The following ENPP6 variants were observed in gnomAD, a reference collection of about 807,000 sequenced individuals.
ENPP6 encodes the protein glycerophosphocholine cholinephosphodiesterase ENPP6.
Under a neutral mutation model 42.0 loss-of-function variants are expected in ENPP6, and 32 were observed. The ratio of observed to expected loss-of-function variants is 0.76; its 90% confidence interval spans 0.58 to 1.02. The LOEUF (loss-of-function observed/expected upper bound fraction) is 1.02, where lower values mean the gene tolerates loss of function less well. Among genes scored for constraint, ENPP6 ranks in the 50% least tolerant of loss-of-function variants. ENPP6 has a pLI of 0.00. For synonymous variants in ENPP6, 213 were observed against 216.0 expected (o/e 0.99, Z 0.12); for missense variants, 552 against 566.8 (o/e 0.97, Z 0.27).
At chr4:184,208,584 G>C (rs1251757728) in intron 1 of ENPP6, among the ~76,000 whole-genome samples, 5 of 151,742 alleles carry the variant, frequency 3.3e-5, no homozygotes, top group Non-Finnish European at 5.9e-5. Flanking sequence ...GGCTGGGAGG[G>C]TCCTACGCCC....
chr4:184,205,984 GA>G (rs1732989445), intron 1 of ENPP6, among the ~76,000 whole-genome samples: 1 of 152,166 alleles, frequency 6.6e-6, no homozygotes, highest in African/African-American at 2.4e-5. Context: ...GAATGACCAG[GA>G]CGCCCGGGAG....
chr4:184,148,401 A>T (rs1736962592), intron 2 of ENPP6, among the ~76,000 whole-genome samples: 1 of 152,212 alleles, frequency 6.6e-6, no homozygotes, highest in South Asian at 2.1e-4. Flanking sequence ...CATCCTGCAA[A>T]GGGAGATTGG....
chr4:184,124,051 C>A, intron 3 of ENPP6, 110 bp downstream of exon 3: 1 of 819,846 alleles, frequency 1.2e-6, no homozygotes, highest in Non-Finnish European at 1.9e-6. Flanking sequence ...CTCTCACCAA[C>A]TCTCTGACAT....
chr4:184,153,744 G>A lies in ENPP6; in HGVS notation c.242-11C>T. ...CTTCACAATGGCGGCCTATGTCAATGAGAACACAGCTGTCAGTTTACGGTT... is the reference window on the plus strand; with the variant it reads ...CTTCACAATGGCGGCCTATGTCAATAAGAACACAGCTGTCAGTTTACGGTT... On this transcript the variant is annotated splice_polypyrimidine_tract_variant and intron_variant, in intron 1 of 7. Transcript: ENST00000296741. 1.2e-6 allele frequency: 2 copies of A among 1,613,030 alleles called. No individual in the cohort carries two copies. Among genetic ancestry groups the A allele is most frequent in the Non-Finnish European group, 1.7e-6 (2 of 1,179,454 alleles).
At chr4:184,129,917 C>T (rs1736565845) in intron 2 of ENPP6, among the ~76,000 whole-genome samples, 2 of 104,458 alleles carry the variant, frequency 1.9e-5, no homozygotes, top group Admixed American at 1.7e-4. Flanking sequence ...ATTTCAATGA[C>T]TGGTTTGGCA....
chr4:184,159,267 A>G (rs2111082741), intron 1 of ENPP6, among the ~76,000 whole-genome samples: 1 of 152,364 alleles, frequency 6.6e-6, no homozygotes, highest in South Asian at 2.1e-4. Context: ...TATTCTTTCA[A>G]GTATTCAAGA....
At chr4:184,107,917 TA>T (rs34041004) in intron 6 of ENPP6, among the ~76,000 whole-genome samples, 31,828 of 115,874 alleles carry the variant, frequency 0.27, 3,981 homozygotes, top group African/African-American at 0.42. Context: ...TCAGTCTCAA[TA>T]AAAAAAAAAA....
intron 6 of ENPP6, among the ~76,000 whole-genome samples, chr4:184,107,104 C>T (rs895140693): frequency 3.9e-5 from 6 of 152,130 alleles, no homozygotes; most frequent in South Asian, 2.1e-4. Context: ...GGCAGGGTGA[C>T]CCACTGAGAA....
In ENPP6 at chr4:184,153,686, G is replaced by T; in HGVS notation, c.289C>A (p.Pro97Thr). ...HQMIGNYMWD[P>T]TTNKSFDIGV... is the part of the protein sequence containing the mutation. ...ATGTCAAAGGACTTGTTGGTGGTGGGGTCCCACATGTAGTTCCCGATCATC... is the reference window on the plus strand; with the variant it reads ...ATGTCAAAGGACTTGTTGGTGGTGGTGTCCCACATGTAGTTCCCGATCATC... The change falls in exon 2 of 8, where the codon CCC becomes ACC. Residue 97 changes from proline to threonine, a missense_variant. Physicochemically the swap from Pro to Thr is conservative, Grantham distance 38. Transcript: ENST00000296741. 2 of 1,614,100 alleles carry T rather than the reference G, an allele frequency of 1.2e-6. No homozygotes were observed. Among genetic ancestry groups the T allele is most frequent in the Non-Finnish European group, 1.7e-6 (2 of 1,180,008 alleles).
At chr4:184,133,356 A>C (rs991557962) in intron 2 of ENPP6, among the ~76,000 whole-genome samples, 9 of 152,172 alleles carry the variant, frequency 5.9e-5, no homozygotes, top group African/African-American at 2.2e-4. Flanking sequence ...CATTTTTATT[A>C]GATTTATTCT....
intron 1 of ENPP6, among the ~76,000 whole-genome samples, chr4:184,170,848 T>C (rs1162047024): frequency 1.3e-5 from 2 of 152,226 alleles, no homozygotes; most frequent in Middle Eastern, 3.2e-3. Context: ...TCAAGGTTCC[T>C]ATCAACCTGC....
rs867754869 is a variant in ENPP6, at chr4:184,139,806, C to T, written c.421+13748G>A. Among the ~76,000 whole-genome samples the T allele has an allele frequency of 4.1e-3, 295 of 72,732 alleles. 2 individuals carry two copies. Among genetic ancestry groups the T allele is most frequent in the South Asian group, 0.018 (35 of 1,938 alleles). 47.7% of individuals were successfully genotyped at this position (72,732 alleles called of 152,430 possible). On this transcript the variant is annotated intron_variant, in intron 2 of 7. Coordinates refer to ENST00000296741, the MANE Select transcript of ENPP6 (RefSeq NM_153343.4). ...AAGTCTTTGCTATTGTGAATAATGCCGCAATAAACATACGTGTGCATGTGT... is the reference window on the plus strand; with the variant it reads ...AAGTCTTTGCTATTGTGAATAATGCTGCAATAAACATACGTGTGCATGTGT...
intron 1 of ENPP6, among the ~76,000 whole-genome samples, chr4:184,213,568 A>G (rs1733151174): frequency 6.6e-6 from 1 of 151,270 alleles, no homozygotes; most frequent in Non-Finnish European, 1.5e-5. Flanking sequence ...TAGAATGGCA[A>G]TCATTAAAAA....
intron 1 of ENPP6, among the ~76,000 whole-genome samples, chr4:184,204,949 A>G (rs1449454935): frequency 6.6e-6 from 1 of 151,334 alleles, no homozygotes; most frequent in Non-Finnish European, 1.5e-5. Context: ...TTTTTTTTTG[A>G]GATGAAGTTT....
intron 2 of ENPP6, among the ~76,000 whole-genome samples, chr4:184,128,144 A>G (rs1736535358): frequency 6.6e-6 from 1 of 152,168 alleles, no homozygotes; most frequent in Non-Finnish European, 1.5e-5. Flanking sequence ...AAAGGAGAAA[A>G]CCAAATTTAT....
chr4:184,193,753 T>C (rs960362229), intron 1 of ENPP6, among the ~76,000 whole-genome samples: 3 of 152,224 alleles, frequency 2.0e-5, no homozygotes, highest in Non-Finnish European at 4.4e-5. Context: ...TTCCCAGCTA[T>C]GTAGGCAAAT....
At chr4:184,099,864 C>T (rs749611725) in intron 6 of ENPP6, among the ~76,000 whole-genome samples, 1 of 152,246 alleles carries the variant, frequency 6.6e-6, no homozygotes, top group Non-Finnish European at 1.5e-5. Context: ...GCTTCTCCCT[C>T]TCACAGTCTA....
At chr4:184,138,465 C>T (rs1275611889) in intron 2 of ENPP6, among the ~76,000 whole-genome samples, 3 of 152,264 alleles carry the variant, frequency 2.0e-5, no homozygotes, top group East Asian at 1.9e-4. Flanking sequence ...ACTGGATTCA[C>T]TCACTTTCCA....
chr4:184,176,510 G>A (rs1737562966), intron 1 of ENPP6, among the ~76,000 whole-genome samples: 2 of 152,124 alleles, frequency 1.3e-5, no homozygotes, highest in Admixed American at 1.3e-4. Context: ...TTTGAGCAGT[G>A]TGCCGTATTG....
Sources: gnomAD v4.1 joint callset for allele counts (sites outside exome capture counted in the v4.1 genomes callset) on GRCh38, gnomAD v4.1.1 for gene constraint, MANE v1.5 for transcripts, NCBI Gene and HGNC (gene_info 2026-07-23, HGNC 2026-07-21) for gene names.